ADK: variants seen among roughly 807,000 people sequenced by gnomAD.
ADK encodes the protein N6,N6-dimethyladenosine kinase.
ADK carries 24 observed loss-of-function variants against 44.7 expected under a neutral mutation model. The ratio of observed to expected loss-of-function variants is 0.54; its 90% CI spans 0.39 to 0.76. The LOEUF (loss-of-function observed/expected upper bound fraction) is 0.76, where lower values mean the gene tolerates loss of function less well. Ranked by LOEUF, ADK falls within the 30% of genes least tolerant of loss-of-function variation. ADK has a pLI of 0.00. For synonymous variants in ADK, 128 were observed against 142.6 expected (o/e 0.90, Z 0.73); for missense variants, 321 against 425.1 (o/e 0.76, Z 2.15).
At chr10:74,525,452 G>T (rs990875420) in intron 7 of ADK, 26 bp downstream of exon 7, 6 of 1,584,802 alleles carry the variant, frequency 3.8e-6, no homozygotes, top group Non-Finnish European at 5.2e-6. Context: ...TTTTTCAAAA[G>T]AACCTGGGGG....
rs555260108 is a variant in ADK at position 74,588,740 on chromosome 10, C to T, written c.727-542C>T. ...CCATTATAAAGTTATGCTTTGCTCC[C>T]GTGACCAGCATATAATCTGAGATAC... is the stretch of plus-strand genomic sequence containing the variant. On this transcript the variant is annotated intron_variant, in intron 7 of 10. Transcript: ENST00000539909. 5.9e-5 allele frequency among the ~76,000 whole-genome samples: 9 copies of T among 152,216 alleles called. No individual in the cohort carries two copies. In the South Asian group the frequency reaches 1.0e-3, roughly 18 times the overall value.
At chr10:74,696,740 A>G (rs537137246) in intron 10 of ADK, among the ~76,000 whole-genome samples, 1 of 152,092 alleles carries the variant, frequency 6.6e-6, no homozygotes, top group South Asian at 2.1e-4. Flanking sequence ...CCCTTTTTCC[A>G]CATTTTCTGC....
At chr10:74,645,359 C>T (rs982136743) in intron 9 of ADK, among the ~76,000 whole-genome samples, 2 of 152,108 alleles carry the variant, frequency 1.3e-5, no homozygotes, top group African/African-American at 4.8e-5. Context: ...GTAATTCCTA[C>T]CATTCTTATA....
intron 7 of ADK, among the ~76,000 whole-genome samples, chr10:74,577,735 C>T (rs1295798134): frequency 6.6e-6 from 1 of 151,932 alleles, no homozygotes; most frequent in Non-Finnish European, 1.5e-5. Context: ...GTTCTATTCC[C>T]TCTTCTCCCT....
chr10:74,240,629 G>A (rs1845174773), intron 3 of ADK, among the ~76,000 whole-genome samples: 1 of 152,108 alleles, frequency 6.6e-6, no homozygotes, highest in Non-Finnish European at 1.5e-5. Flanking sequence ...AAGACTTGTA[G>A]GCCATTGTAT....
intron 6 of ADK, among the ~76,000 whole-genome samples, chr10:74,405,279 G>T (rs891701642): frequency 1.3e-5 from 2 of 151,958 alleles, no homozygotes; most frequent in Non-Finnish European, 2.9e-5. Context: ...GTTCCTGTTA[G>T]GAACCAGGCC....
At chr10:74,296,592 A>G (rs1422796116) in intron 3 of ADK, among the ~76,000 whole-genome samples, 1 of 151,910 alleles carries the variant, frequency 6.6e-6, no homozygotes, top group Non-Finnish European at 1.5e-5. Flanking sequence ...TATTTATCAA[A>G]ATTTTAAGTA....
At chr10:74,201,680 CTA>C (rs1843396161) in intron 2 of ADK, among the ~76,000 whole-genome samples, 2 of 35,614 alleles carry the variant, frequency 5.6e-5, no homozygotes, top group Non-Finnish European at 1.5e-4. Context: ...ATGTATGTAT[CTA>C]TCTATCTATC....
chr10:74,411,568 A>G (rs979466258), intron 6 of ADK, among the ~76,000 whole-genome samples: 2 of 152,246 alleles, frequency 1.3e-5, no homozygotes, highest in Non-Finnish European at 2.9e-5. Flanking sequence ...AAAAAATGCT[A>G]GTGATCATCT....
chr10:74,518,050 A>G (rs2045286395), intron 6 of ADK, among the ~76,000 whole-genome samples: 1 of 152,186 alleles, frequency 6.6e-6, no homozygotes. Flanking sequence ...TGTATTTTAT[A>G]CTTTCTTGGA....
At chr10:74,522,438 G>T (rs997637609) in intron 6 of ADK, among the ~76,000 whole-genome samples, 4 of 152,046 alleles carry the variant, frequency 2.6e-5, no homozygotes, top group Admixed American at 2.6e-4. Flanking sequence ...TTGCTAGGGG[G>T]CCATATTTTG....
intron 1 of ADK, among the ~76,000 whole-genome samples, chr10:74,180,871 G>A (rs1379528830): frequency 6.6e-6 from 1 of 152,094 alleles, no homozygotes; most frequent in Non-Finnish European, 1.5e-5. Context: ...TTTCTATTCT[G>A]GACATTTGTT....
chr10:74,322,184 T>C (rs1255481333), intron 4 of ADK, among the ~76,000 whole-genome samples: 2 of 152,212 alleles, frequency 1.3e-5, no homozygotes, highest in African/African-American at 4.8e-5. Context: ...CATACTTCTG[T>C]GCATCGGAAC....
At chr10:74,272,282 C>G (rs1846461738) in intron 3 of ADK, among the ~76,000 whole-genome samples, 1 of 151,556 alleles carries the variant, frequency 6.6e-6, no homozygotes, top group African/African-American at 2.4e-5. Flanking sequence ...TGTTCTTGCT[C>G]TCTTTTTTTT....
chr10:74,187,821 A>G (rs1842812668), intron 1 of ADK, among the ~76,000 whole-genome samples: 1 of 152,158 alleles, frequency 6.6e-6, no homozygotes, highest in Non-Finnish European at 1.5e-5. Flanking sequence ...AGGATTTTCA[A>G]TTAATTGATT....
chr10:74,185,650 G>A (rs1842725680), intron 1 of ADK, among the ~76,000 whole-genome samples: 1 of 149,642 alleles, frequency 6.7e-6, no homozygotes, highest in African/African-American at 2.5e-5. Context: ...GGCTAACACA[G>A]TGAAACCCCG....
At chr10:74,352,218 A>G (rs1450069905) in intron 4 of ADK, among the ~76,000 whole-genome samples, 3 of 152,214 alleles carry the variant, frequency 2.0e-5, no homozygotes, top group Non-Finnish European at 4.4e-5. Flanking sequence ...TACTGGTACC[A>G]AAACAGATAT....
At chr10:74,374,148 G>C (rs530600652) in intron 4 of ADK, among the ~76,000 whole-genome samples, 1 of 152,228 alleles carries the variant, frequency 6.6e-6, no homozygotes, top group Non-Finnish European at 1.5e-5. Flanking sequence ...TTTCGGAAGT[G>C]ATGACTCAAG....
At chr10:74,442,735 C>G (rs753466978) in intron 6 of ADK, among the ~76,000 whole-genome samples, 7 of 152,052 alleles carry the variant, frequency 4.6e-5, no homozygotes, top group Admixed American at 1.3e-4. Flanking sequence ...GCATTATTCA[C>G]AATAGTCAAA....
Sources: gnomAD v4.1 joint callset for allele counts (sites outside exome capture counted in the v4.1 genomes callset) on GRCh38, gnomAD v4.1.1 for gene constraint, MANE v1.5 for transcripts, NCBI Gene and HGNC (gene_info 2026-07-23, HGNC 2026-07-21) for gene names.